Variants in OSBPL5 observed in about 807,000 individuals in gnomAD.
OSBPL5 encodes oxysterol-binding protein-related protein 5.
In OSBPL5, 71 loss-of-function variants were observed where a neutral mutation model predicts 111.2. The observed-to-expected ratio is 0.64, with a 90% CI of 0.53 to 0.78. The LOEUF (loss-of-function observed/expected upper bound fraction) is 0.78. Ranked by LOEUF, OSBPL5 falls within the 30% of genes least tolerant of loss-of-function variation. The pLI, the probability that OSBPL5 is intolerant of heterozygous loss-of-function variation, is 0.00. For synonymous variants in OSBPL5, 549 were observed against 513.9 expected (o/e 1.07, Z -0.93); for missense variants, 1,210 against 1,189.3 (o/e 1.02, Z -0.26).
intron 1 of OSBPL5, among the ~76,000 whole-genome samples, chr11:3,144,169 A>C (rs1846252015): frequency 6.6e-6 from 1 of 152,152 alleles, no homozygotes; most frequent in Non-Finnish European, 1.5e-5. Flanking sequence ...GAAACACACA[A>C]AAAACCCAAC....
intron 1 of OSBPL5, among the ~76,000 whole-genome samples, chr11:3,143,111 CGGGCAGAGGAGGCAGGTGCAGAGGG>C (rs1169239414): frequency 7.5e-4 from 34 of 45,128 alleles, no homozygotes; most frequent in African/African-American, 2.6e-3. Flanking sequence ...GGTGCAGAGC[CGGGCAGAGGAGGCAGGTGCAGAGGG>C]GGGCAGAGGA....
intron 1 of OSBPL5, among the ~76,000 whole-genome samples, chr11:3,134,644 T>C (rs1845902244): frequency 6.6e-6 from 1 of 152,198 alleles, no homozygotes; most frequent in Non-Finnish European, 1.5e-5. Context: ...AAGGGAACAC[T>C]TTGGACTTGG....
At position 3,102,201 on chromosome 11, in the gene OSBPL5, T is replaced by C; in HGVS notation, c.1407A>G (p.Thr469=). 6.2e-7 allele frequency: 1 copy of C among 1,606,456 alleles called. No individual in the cohort carries two copies. The highest frequency in any genetic ancestry group is 1.1e-5 in the South Asian group (1 of 89,326). ...CTCTTGCCTGCTCTGCTATGTAGAA[T>C]GTGCGGCTGTCAGTCTGCGGGTGGA... is the stretch of plus-strand genomic sequence containing the variant. ...CWFHPQTDSR[T]FYIAEQVSHH... The change falls in exon 12 of 22, where the codon ACA becomes ACG. Residue 469 remains threonine (T), a synonymous_variant. Coordinates refer to ENST00000263650, the MANE Select transcript of OSBPL5 (RefSeq NM_020896.4).
intron 14 of OSBPL5, among the ~76,000 whole-genome samples, chr11:3,098,559 G>A (rs2134399828): frequency 7.5e-6 from 1 of 132,722 alleles, no homozygotes; most frequent in Admixed American, 8.4e-5. Flanking sequence ...AGGCTGGAGT[G>A]CAATGACATG....
At position 3,120,532 on chromosome 11, in the gene OSBPL5, C is replaced by T. The variant is rs1858368671; in HGVS notation, c.495G>A (p.Trp165Ter). The T allele has an allele frequency of 6.2e-7, 1 of 1,613,238 alleles. No homozygotes were observed. Residue 165 changes from tryptophan (W) to a stop codon, truncating the protein, a stop_gained, in exon 6 of 22, where the codon TGG (tryptophan) becomes TGA (stop). Coordinates refer to ENST00000263650, the MANE Select transcript of OSBPL5 (RefSeq NM_020896.4). LOFTEE classifies it high-confidence loss of function. ...LIYKTPKVGQ[W>*]VGTVLLHCCE... ...AGCAGTGCAGCAGCACCGTGCCCACCCACTGGCCCACCTTGGGCGTCTTGT... is the reference window on the plus strand; with the variant it reads ...AGCAGTGCAGCAGCACCGTGCCCACTCACTGGCCCACCTTGGGCGTCTTGT...
At chr11:3,099,417 A>T (rs1857381278) in intron 14 of OSBPL5, among the ~76,000 whole-genome samples, 1 of 152,232 alleles carries the variant, frequency 6.6e-6, no homozygotes, top group Admixed American at 6.5e-5. Context: ...CTCATCGATG[A>T]TACCAAATGT....
intron 7 of OSBPL5, among the ~76,000 whole-genome samples, chr11:3,114,591 ATTTTT>A (rs59645003): frequency 1.1e-4 from 13 of 113,898 alleles, no homozygotes; most frequent in African/African-American, 2.8e-4. Flanking sequence ...TAGAACAATG[ATTTTT>A]TTTTTTTTTT....
Position 3,100,185 on chromosome 11 carries a change from G to A in OSBPL5, c.1594C>T (p.Leu532Phe), listed in dbSNP as rs1158549759. Reference protein sequence around the residue: ...TFLNRAEDYTLTMPYAHCKGI... With the variant: ...TFLNRAEDYTFTMPYAHCKGI... ...TTGCAGTGGGCGTAGGGCATGGTAA[G>A]GGTGTAATCCTCGGCTCGGTTCAGG... Residue 532 changes from leucine to phenylalanine, a missense_variant, in exon 14 of 22, where the codon CTT becomes TTT. By Grantham distance (22) the Leu-to-Phe change is conservative. Transcript: ENST00000263650. The A allele has an allele frequency of 6.2e-7, 1 of 1,614,076 alleles. No homozygotes were observed. The highest frequency in any genetic ancestry group is 1.3e-5 in the African/African-American group (1 of 74,930).
At chr11:3,090,445 G>A in intron 20 of OSBPL5, 113 bp downstream of exon 20, 6 of 1,418,814 alleles carry the variant, frequency 4.2e-6, no homozygotes, top group Non-Finnish European at 5.8e-6. Flanking sequence ...AGCTTTTGCT[G>A]GGAGGTTGCC....
At chr11:3,120,286 C>G in intron 6 of OSBPL5, 135 bp downstream of exon 6, 1 of 1,076,720 alleles carries the variant, frequency 9.3e-7, no homozygotes, top group Admixed American at 2.3e-5. Flanking sequence ...ATGTGGGGCT[C>G]AGAGAAGGTG....
chr11:3,164,702 A>G (rs1296206561), intron 1 of OSBPL5, among the ~76,000 whole-genome samples: 5 of 152,154 alleles, frequency 3.3e-5, no homozygotes, highest in Admixed American at 3.3e-4. Context: ...ACTCAGACAC[A>G]GCAGTCCTCC....
At chr11:3,122,542 A>C in intron 3 of OSBPL5, 114 bp from the exon 4 acceptor site, 1 of 902,574 alleles carries the variant, frequency 1.1e-6, no homozygotes, top group East Asian at 2.8e-5. Context: ...AGGGCGCTCC[A>C]CTCGTTTCCC....
rs543361951 is a variant in OSBPL5, at chr11:3,092,337, C to G, written c.2259+95G>C. ...GGATGAGGGCGTGAGGGAAACGGAG[C>G]GAGGGGAAGGGAGGAGTGAGGTGAG... is the stretch of plus-strand genomic sequence containing the variant. On this transcript the variant is annotated intron_variant, in intron 19 of 21. Transcript: ENST00000263650. The surrounding 1 kb of genome is among the most constrained non-coding windows in gnomAD (Gnocchi z 5.4). The G allele has an allele frequency of 7.0e-7, 1 of 1,420,158 alleles. No individual in the cohort carries two copies. Among genetic ancestry groups the G allele is most frequent in the Non-Finnish European group, 9.3e-7 (1 of 1,076,278 alleles). 88.0% of individuals were successfully genotyped at this position (1,420,158 alleles called of 1,614,324 possible). A position where few individuals can be genotyped will look rare whatever the true frequency, so the allele number is the denominator to read the frequency against.
chr11:3,120,850 A>C (rs1324150050), intron 5 of OSBPL5, among the ~76,000 whole-genome samples: 2 of 152,200 alleles, frequency 1.3e-5, no homozygotes, highest in Non-Finnish European at 2.9e-5. Context: ...AAGCCACGGC[A>C]AGCGGTGCCC....
At chr11:3,148,095 C>A (rs181134478) in intron 1 of OSBPL5, among the ~76,000 whole-genome samples, 51 of 152,316 alleles carry the variant, frequency 3.3e-4, no homozygotes, top group African/African-American at 1.2e-3. Context: ...ACCCCCAGTG[C>A]CCGAACATGG....
chr11:3,133,095 TG>T (rs1845857264), intron 1 of OSBPL5, among the ~76,000 whole-genome samples: 1 of 152,208 alleles, frequency 6.6e-6, no homozygotes, highest in East Asian at 1.9e-4. Context: ...TGATTTCCAC[TG>T]GAACCCTAGT....
chr11:3,120,708 C>G, intron 5 of OSBPL5, 84 bp from the exon 6 acceptor site: 1 of 1,497,100 alleles, frequency 6.7e-7, no homozygotes, highest in Middle Eastern at 2.3e-4. Flanking sequence ...GGGAGCCAGG[C>G]ACAGACCAGG....
Position 3,113,836 on chromosome 11 carries a change from T to C in OSBPL5, c.691+5711A>G, listed in dbSNP as rs926223769. Among the ~76,000 whole-genome samples the C allele has an allele frequency of 6.6e-6, 1 of 152,194 alleles. No homozygotes were observed. Among genetic ancestry groups the C allele is most frequent in the East Asian group, 1.9e-4 (1 of 5,200 alleles). ...CTATAAACTAAGTTCCTCCCAAAGTTAGTTTGACCTATGCCCAGGAATGAA... is the reference window on the plus strand; with the variant it reads ...CTATAAACTAAGTTCCTCCCAAAGTCAGTTTGACCTATGCCCAGGAATGAA... On this transcript the variant is annotated intron_variant, in intron 7 of 21. Coordinates refer to ENST00000263650, the MANE Select transcript of OSBPL5 (RefSeq NM_020896.4). This position sits in a 1 kb window ranked among gnomAD's most constrained non-coding sequence, Gnocchi z 4.8.
chr11:3,122,110 G>A lies in OSBPL5; in HGVS notation c.301-12C>T. 1.9e-6 allele frequency: 3 copies of A among 1,551,950 alleles called. No homozygotes were observed. The highest frequency in any genetic ancestry group is 2.6e-6 in the Non-Finnish European group (3 of 1,153,676). ...TTCTCCTTCTGCGCCTGGGCCCGGG[G>A]CACCCGCGGTGGGTCATGGGAGAAG... is the stretch of plus-strand genomic sequence containing the variant. On this transcript the variant is annotated splice_polypyrimidine_tract_variant and intron_variant, in intron 4 of 21. Coordinates refer to ENST00000263650, the MANE Select transcript of OSBPL5 (RefSeq NM_020896.4).
Sources: allele counts gnomAD v4.1 joint callset (sites outside exome capture counted in the v4.1 genomes callset), GRCh38; gene constraint gnomAD v4.1.1; non-coding constraint Gnocchi (gnomAD v3.1); transcripts MANE v1.5; gene names NCBI Gene and HGNC (gene_info 2026-07-23, HGNC 2026-07-21).